Variants in LIMA1 observed in about 807,000 individuals in gnomAD.
LIMA1 encodes the protein LIM domain and actin-binding protein 1.
A neutral mutation model predicts 62.6 loss-of-function variants in LIMA1; 52 were observed. The ratio of observed to expected loss-of-function variants is 0.83; its 90% confidence interval spans 0.67 to 1.05. LIMA1 has a LOEUF of 1.05. LIMA1 is among the 50% of genes least tolerant of loss of function. The pLI, the probability that LIMA1 is intolerant of heterozygous loss-of-function variation, is 0.00. For synonymous variants in LIMA1, 302 were observed against 317.8 expected (o/e 0.95, Z 0.53); for missense variants, 780 against 902.2 (o/e 0.86, Z 1.74).
intron 5 of LIMA1, among the ~76,000 whole-genome samples, chr12:50,205,187 A>G (rs1941128458): frequency 1.3e-5 from 2 of 151,380 alleles, no homozygotes; most frequent in African/African-American, 4.9e-5. Context: ...AAATGATCCA[A>G]CCACCTCAGT....
chr12:50,182,676 A>T (rs1446389380), intron 9 of LIMA1, among the ~76,000 whole-genome samples: 1 of 152,242 alleles, frequency 6.6e-6, no homozygotes, highest in East Asian at 1.9e-4. Context: ...CATTAAAGCT[A>T]TAGGTTCTAT....
At position 50,248,699 on chromosome 12, in the gene LIMA1, A is replaced by G; in HGVS notation, c.53T>C (p.Val18Ala). ...GACAAGAGAAAGTTCTTTGGCTGTT[A>G]CCCTCAATGATAGTGAGGTCCATTG... ...RRQWTSLSLRVTAKELSLVNK... is the reference protein window; with the variant it reads ...RRQWTSLSLRATAKELSLVNK... The change falls in exon 2 of 11, where the codon GTA becomes GCA. Residue 18 changes from valine (V) to alanine (A), a missense_variant. Coordinates refer to ENST00000341247, the MANE Select transcript of LIMA1 (RefSeq NM_016357.5). 1 of 1,613,866 alleles carries G rather than the reference A, an allele frequency of 6.2e-7. No homozygotes were observed. Among genetic ancestry groups the G allele is most frequent in the South Asian group, 1.1e-5 (1 of 91,082 alleles).
chr12:50,185,050 T>C (rs1377709491), intron 9 of LIMA1, among the ~76,000 whole-genome samples: 1 of 152,216 alleles, frequency 6.6e-6, no homozygotes, highest in East Asian at 1.9e-4. Context: ...CAGGCTGGTT[T>C]CTAACTCCTA....
chr12:50,203,602 G>A (rs1181921274), intron 6 of LIMA1, among the ~76,000 whole-genome samples: 1 of 151,806 alleles, frequency 6.6e-6, no homozygotes, highest in Non-Finnish European at 1.5e-5. Flanking sequence ...TAGTAGAGAT[G>A]GGGTTTCACC....
intron 1 of LIMA1, among the ~76,000 whole-genome samples, chr12:50,254,271 C>A (rs146511407): frequency 6.6e-6 from 1 of 152,020 alleles, no homozygotes; most frequent in African/African-American, 2.4e-5. Flanking sequence ...CTAGAAGGAT[C>A]GTTGCATGAC....
chr12:50,264,940 T>C (rs750937373), intron 1 of LIMA1, among the ~76,000 whole-genome samples: 2 of 151,692 alleles, frequency 1.3e-5, no homozygotes, highest in African/African-American at 4.8e-5. Context: ...ATCACTTGAG[T>C]CCAGAGTTCA....
chr12:50,261,720 C>T (rs1592563394), intron 1 of LIMA1, among the ~76,000 whole-genome samples: 1 of 152,060 alleles, frequency 6.6e-6, no homozygotes, highest in Non-Finnish European at 1.5e-5. Context: ...CAGGCTGGAA[C>T]GCAGTGGTGT....
At position 50,178,598 on chromosome 12, in the gene LIMA1, G is replaced by A. The variant is rs565848557; in HGVS notation, c.1275-529C>T. 1.4e-3 allele frequency among the ~76,000 whole-genome samples: 208 copies of A among 151,802 alleles called. 3 individuals are homozygous for A. In the Middle Eastern group the frequency reaches 0.031, roughly 23 times the overall value. Reference sequence around the variant, plus strand: ...TTTAAATCATTCTGAGCCTTGAGAGGAATGTGGCTATGCAACCTGGGTCAC... The same window carrying A: ...TTTAAATCATTCTGAGCCTTGAGAGAAATGTGGCTATGCAACCTGGGTCAC... On this transcript the variant is annotated intron_variant, in intron 10 of 10. Coordinates refer to ENST00000341247, the MANE Select transcript of LIMA1 (RefSeq NM_016357.5).
rs764131457 is a variant in LIMA1 at position 50,177,110 on chromosome 12, T to C, written c.2234A>G (p.Gln745Arg). ...ATCATAATACCGATTTCTCTTTATCTGTTCTTCCACAGAGAGCTCTTTGAC... is the reference window on the plus strand; with the variant it reads ...ATCATAATACCGATTTCTCTTTATCCGTTCTTCCACAGAGAGCTCTTTGAC... Reference protein sequence around the residue: ...EVVKELSVEEQIKRNRYYDED... With the variant: ...EVVKELSVEERIKRNRYYDED... The change falls in exon 11 of 11, where the codon CAG becomes CGG. Residue 745 changes from glutamine to arginine, a missense_variant. By Grantham distance (43) the Gln-to-Arg change is conservative. Coordinates refer to ENST00000341247, the MANE Select transcript of LIMA1 (RefSeq NM_016357.5). 3 of 1,603,042 alleles carry C rather than the reference T, an allele frequency of 1.9e-6. No individual in the cohort carries two copies. Among genetic ancestry groups the C allele is most frequent in the East Asian group, 2.2e-5 (1 of 44,834 alleles).
At chr12:50,280,474 A>G (rs1006394692) in intron 1 of LIMA1, among the ~76,000 whole-genome samples, 1 of 152,148 alleles carries the variant, frequency 6.6e-6, no homozygotes, top group African/African-American at 2.4e-5. Context: ...AGTAGTATTA[A>G]GAAATTATTT....
chr12:50,192,262 C>T (rs976845744), intron 9 of LIMA1, among the ~76,000 whole-genome samples, 190 bp downstream of exon 9: 1 of 152,134 alleles, frequency 6.6e-6, no homozygotes, highest in Non-Finnish European at 1.5e-5. Context: ...TTCTCGCTCC[C>T]GGGCCAAAGA....
chr12:50,201,000 G>A, intron 6 of LIMA1, 116 bp from the exon 7 acceptor site: 1 of 1,465,074 alleles, frequency 6.8e-7, no homozygotes, highest in Non-Finnish European at 8.9e-7. Flanking sequence ...GAAGCCTCGG[G>A]TCAAATCAAC....
intron 7 of LIMA1, 129 bp downstream of exon 7, chr12:50,200,648 T>C (rs1941029010): frequency 1.0e-6 from 1 of 988,580 alleles, no homozygotes; most frequent in Non-Finnish European, 1.6e-6. Flanking sequence ...AAAATGGCAA[T>C]CTGTCCTGGC....
intron 1 of LIMA1, among the ~76,000 whole-genome samples, chr12:50,250,563 CA>C (rs754126420): frequency 0.024 from 826 of 33,886 alleles, 5 homozygotes; most frequent in African/African-American, 0.054. Flanking sequence ...AAGATGTTCT[CA>C]AAAAAAAAAA....
chr12:50,228,014 C>T (rs1331300428), intron 3 of LIMA1, among the ~76,000 whole-genome samples: 1 of 152,006 alleles, frequency 6.6e-6, no homozygotes, highest in Non-Finnish European at 1.5e-5. Flanking sequence ...CGCCCGCCAC[C>T]GTGCCCGGCT....
chr12:50,232,881 G>A (rs1022788123), intron 2 of LIMA1, among the ~76,000 whole-genome samples: 1 of 152,218 alleles, frequency 6.6e-6, no homozygotes, highest in Non-Finnish European at 1.5e-5. Context: ...CAGCTACTCG[G>A]GGGGCTGAGG....
intron 3 of LIMA1, among the ~76,000 whole-genome samples, chr12:50,224,082 TGAAAG>T (rs1007057863): frequency 1.3e-5 from 2 of 152,006 alleles, no homozygotes; most frequent in Non-Finnish European, 1.5e-5. Context: ...TCCCGTACTT[TGAAAG>T]GACTGTACTC....
At chr12:50,224,936 C>T (rs1236059215) in intron 3 of LIMA1, among the ~76,000 whole-genome samples, 3 of 135,288 alleles carry the variant, frequency 2.2e-5, no homozygotes, top group Non-Finnish European at 4.6e-5. Context: ...GAGGTTCACT[C>T]TTGTTGCACA....
At chr12:50,207,454 C>A (rs567400870) in intron 4 of LIMA1, among the ~76,000 whole-genome samples, 63 of 152,242 alleles carry the variant, frequency 4.1e-4, no homozygotes, top group African/African-American at 1.4e-3. Context: ...TATTTCCAGA[C>A]AACTTGAGGT....
Sources: gnomAD v4.1 joint callset for allele counts (sites outside exome capture counted in the v4.1 genomes callset) on GRCh38, gnomAD v4.1.1 for gene constraint, MANE v1.5 for transcripts, NCBI Gene and HGNC (gene_info 2026-07-23, HGNC 2026-07-21) for gene names.